Variants in PAMR1 observed in about 807,000 individuals in gnomAD.
The protein encoded by PAMR1 is peptidase domain containing associated with muscle regeneration 1, also known as inactive serine protease PAMR1.
Under a neutral mutation model 81.8 loss-of-function variants are expected in PAMR1, and 88 were observed. That is an observed-to-expected ratio of 1.08 (90% confidence interval 0.91 to 1.28). The LOEUF is 1.28. Ranked by LOEUF, PAMR1 falls within the 50% of genes most tolerant of loss-of-function variation. PAMR1 has a pLI of 0.00. For missense variants in PAMR1, 935 were observed against 919.7 expected, an observed-to-expected ratio of 1.02 and a Z score of -0.21; for synonymous variants, 336 against 345.3, an observed-to-expected ratio of 0.97 and a Z score of 0.30.
intron 1 of PAMR1, 152 bp from the exon 2 acceptor site, chr11:35,494,424 C>G (rs551041133): frequency 1.6e-6 from 1 of 634,598 alleles, no homozygotes; most frequent in Non-Finnish European, 2.8e-6. Flanking sequence ...AGCTCTGCCT[C>G]CCGGGTTCAC....
intron 1 of PAMR1, among the ~76,000 whole-genome samples, chr11:35,495,047 A>G (rs528108231): frequency 6.6e-6 from 1 of 152,232 alleles, no homozygotes; most frequent in Non-Finnish European, 1.5e-5. Flanking sequence ...CTGCATGACT[A>G]CATACTGCAG....
chr11:35,508,650 A>T (rs1169653233), intron 1 of PAMR1, among the ~76,000 whole-genome samples: 1 of 151,348 alleles, frequency 6.6e-6, no homozygotes, highest in Middle Eastern at 3.2e-3. Context: ...TAATAAGCAT[A>T]GTACCTAAGA....
intron 7 of PAMR1, 80 bp downstream of exon 7, chr11:35,441,401 T>G: frequency 9.8e-7 from 1 of 1,017,806 alleles, no homozygotes; most frequent in Non-Finnish European, 1.5e-6. Flanking sequence ...TTCCAGGGGC[T>G]TAAAAACATG....
rs1469964709 is a variant in PAMR1, at chr11:35,488,093, G to C, written c.379+3952C>G. Reference sequence around the variant, plus strand: ...AGTTCTTCTCCTTCAGGATAACATGGTCTTAACTTCTTCAGTTAGTCTTAC... The same window carrying C: ...AGTTCTTCTCCTTCAGGATAACATGCTCTTAACTTCTTCAGTTAGTCTTAC... On this transcript the variant is annotated intron_variant, in intron 3 of 10. Transcript: ENST00000619888. Among the ~76,000 whole-genome samples the C allele has an allele frequency of 2.0e-5, 3 of 151,692 alleles. No individual in the cohort carries two copies. In the East Asian group the frequency reaches 5.8e-4, roughly 29 times the overall value.
At chr11:35,522,639 C>T (rs1851305507) in intron 1 of PAMR1, among the ~76,000 whole-genome samples, 1 of 152,176 alleles carries the variant, frequency 6.6e-6, no homozygotes, top group Non-Finnish European at 1.5e-5. Flanking sequence ...AATAATGCTG[C>T]TATGAACATT....
intron 1 of PAMR1, among the ~76,000 whole-genome samples, chr11:35,518,901 GC>G (rs1851219424): frequency 6.6e-6 from 1 of 152,092 alleles, no homozygotes; most frequent in South Asian, 2.1e-4. Flanking sequence ...GCTAAAGTTA[GC>G]TAAATGTGTT....
chr11:35,470,066 G>A (rs953183216), intron 5 of PAMR1, among the ~76,000 whole-genome samples: 2 of 152,148 alleles, frequency 1.3e-5, no homozygotes, highest in Non-Finnish European at 2.9e-5. Context: ...CTAGGGTTGG[G>A]CAGCTGTTGA....
intron 3 of PAMR1, among the ~76,000 whole-genome samples, chr11:35,479,448 G>A (rs535824765): frequency 6.6e-6 from 1 of 152,324 alleles, no homozygotes; most frequent in South Asian, 2.1e-4. Flanking sequence ...AAAGCACTTA[G>A]CACAGCACCT....
At chr11:35,503,483 G>A (rs1341783490) in intron 1 of PAMR1, among the ~76,000 whole-genome samples, 1 of 151,898 alleles carries the variant, frequency 6.6e-6, no homozygotes, top group African/African-American at 2.4e-5. Context: ...CATTTTAATG[G>A]TATTAATTCT....
rs183916371 is a variant in PAMR1 at position 35,451,935 on chromosome 11, A to G, written c.821-10242T>C. On this transcript the variant is annotated intron_variant, in intron 6 of 10. Transcript: ENST00000619888. ...CTTGATCTTGGACTTCCCAGCCTCC[A>G]GAACTGTGAGAAATAAATGTTTGTT... 4.3e-6 allele frequency: 3 copies of G among 693,240 alleles called. No homozygotes were observed. The Middle Eastern group carries it at 7.1e-4, about 163-fold the overall frequency. 42.9% of individuals were successfully genotyped at this position (693,240 alleles called of 1,614,324 possible). A position where few individuals can be genotyped will look rare whatever the true frequency, so the allele number is the denominator to read the frequency against.
intron 6 of PAMR1, among the ~76,000 whole-genome samples, chr11:35,455,226 A>G (rs983509670): frequency 2.6e-5 from 4 of 152,228 alleles, no homozygotes; most frequent in Non-Finnish European, 2.9e-5. Flanking sequence ...GGGAGTAACT[A>G]TATCAGGAAA....
upstream of PAMR1, among the ~76,000 whole-genome samples, chr11:35,528,145 CT>C (rs1477862783): frequency 1.8e-4 from 28 of 152,234 alleles, no homozygotes; most frequent in African/African-American, 6.5e-4. Context: ...AAATATGCCC[CT>C]TTGGCATAAG....
intron 7 of PAMR1, among the ~76,000 whole-genome samples, 181 bp downstream of exon 7, chr11:35,441,300 G>A (rs1304532474): frequency 1.4e-5 from 2 of 147,370 alleles, no homozygotes; most frequent in Non-Finnish European, 3.0e-5. Context: ...TCCTCTTGAG[G>A]TCAAAAAAAA....
intron 6 of PAMR1, among the ~76,000 whole-genome samples, chr11:35,446,588 T>G (rs565861152): frequency 6.6e-6 from 1 of 152,230 alleles, no homozygotes; most frequent in Non-Finnish European, 1.5e-5. Context: ...CTTAATTTCA[T>G]TATTTACCCA....
chr11:35,516,971 G>A (rs1851176357), intron 1 of PAMR1, among the ~76,000 whole-genome samples: 1 of 152,174 alleles, frequency 6.6e-6, no homozygotes, highest in Non-Finnish European at 1.5e-5. Context: ...AGAGGTGGGA[G>A]AAGGGAGTGA....
chr11:35,472,132 G>A (rs1454140007), intron 4 of PAMR1, among the ~76,000 whole-genome samples: 1 of 151,978 alleles, frequency 6.6e-6, no homozygotes, highest in Non-Finnish European at 1.5e-5. Context: ...ATCGCATTTT[G>A]TACAGCCTGC....
At chr11:35,464,168 G>A (rs924672765) in intron 6 of PAMR1, among the ~76,000 whole-genome samples, 1 of 152,126 alleles carries the variant, frequency 6.6e-6, no homozygotes, top group Non-Finnish European at 1.5e-5. Context: ...ATATATGTAA[G>A]GATATTCATT....
At chr11:35,454,028 T>C (rs1425772271) in intron 6 of PAMR1, among the ~76,000 whole-genome samples, 2 of 152,220 alleles carry the variant, frequency 1.3e-5, no homozygotes, top group Non-Finnish European at 2.9e-5. Context: ...AGAAAGACCT[T>C]TCTTATTTTT....
At chr11:35,462,136 C>A (rs1322648651) in intron 6 of PAMR1, among the ~76,000 whole-genome samples, 1 of 152,060 alleles carries the variant, frequency 6.6e-6, no homozygotes, top group East Asian at 1.9e-4. Flanking sequence ...TGACACAGCC[C>A]ACACTAAATA....
Sources: gnomAD v4.1 joint callset for allele counts (sites outside exome capture counted in the v4.1 genomes callset) on GRCh38, gnomAD v4.1.1 for gene constraint, MANE v1.5 for transcripts, NCBI Gene and HGNC (gene_info 2026-07-23, HGNC 2026-07-21) for gene names.